The following PARVB variants were observed in gnomAD, a reference collection of about 807,000 sequenced individuals.
PARVB encodes parvin beta.
Under a neutral mutation model 47.0 loss-of-function variants are expected in PARVB, and 46 were observed. That is an observed-to-expected ratio of 0.98 (90% CI 0.77 to 1.25). The LOEUF is 1.25. Ranked by LOEUF, PARVB falls within the 50% of genes most tolerant of loss-of-function variation. PARVB has a pLI of 0.00. For missense variants in PARVB, 473 were observed against 471.6 expected, an observed-to-expected ratio of 1.00 and a Z score of -0.03; for synonymous variants, 196 against 196.3, an observed-to-expected ratio of 1.00 and a Z score of 0.01.
rs1011419191 is a variant in PARVB, at chr22:44,103,695, A to AGGGACATGGGGAGCTTTGAC, written c.273+3573_273+3592dup. The AGGGACATGGGGAGCTTTGAC allele has an allele frequency of 6.6e-6, 1 of 152,232 alleles. No homozygotes were observed. The highest frequency in any genetic ancestry group is 1.5e-5 in the Non-Finnish European group (1 of 68,054). 9.4% of individuals were successfully genotyped at this position (152,232 alleles called of 1,614,324 possible). A position where few individuals can be genotyped will look rare whatever the true frequency, so the allele number is the denominator to read the frequency against. On this transcript the variant is annotated intron_variant, in intron 3 of 12. Transcript: ENST00000338758. This position sits in a 1 kb window ranked among gnomAD's most constrained non-coding sequence, Gnocchi z 4.6. ...GTGTGTTCGCTAGTGTCTGTATAAG[A>AGGGACATGGGGAGCTTTGAC]GGGACATGGGGAGCTTTGACTGCCC... is the stretch of plus-strand genomic sequence containing the variant.
rs1328703926 is a variant in PARVB, at chr22:44,103,195, G to C, written c.273+3072G>C. On this transcript the variant is annotated intron_variant, in intron 3 of 12. Transcript: ENST00000338758. The surrounding 1 kb of genome is among the most constrained non-coding windows in gnomAD (Gnocchi z 4.6). Reference sequence around the variant, plus strand: ...GAAGAAGGCCACATTGAGGGGCATGGGGTGGACTGATGGGAAAGCTAATTA... The same window carrying C: ...GAAGAAGGCCACATTGAGGGGCATGCGGTGGACTGATGGGAAAGCTAATTA... The C allele has an allele frequency of 1.3e-5, 2 of 152,344 alleles. No individual in the cohort carries two copies. The highest frequency in any genetic ancestry group is 2.9e-5 in the Non-Finnish European group (2 of 68,148). The allele number at this position is 152,344 out of a possible 1,614,324, so 9.4% of individuals were successfully genotyped here.
At chr22:44,055,235 C>G (rs1380162336) in intron 1 of PARVB, among the ~76,000 whole-genome samples, 3 of 152,166 alleles carry the variant, frequency 2.0e-5, no homozygotes, top group Admixed American at 2.0e-4. Flanking sequence ...GTGCGCCTCC[C>G]TCCCCACCAG....
chr22:44,033,732 A>T (rs1324834183), intron 1 of PARVB, among the ~76,000 whole-genome samples: 1 of 152,180 alleles, frequency 6.6e-6, no homozygotes, highest in Non-Finnish European at 1.5e-5. Flanking sequence ...ACGTGTTTTC[A>T]TTTGAAAAAT....
upstream of PARVB, among the ~76,000 whole-genome samples, chr22:44,019,380 C>T (rs75466796): frequency 9.6e-3 from 1,425 of 149,080 alleles, 11 homozygotes; most frequent in Non-Finnish European, 0.015. Flanking sequence ...TCATGACACC[C>T]AGATAATTTT....
chr22:44,028,010 C>T lies in PARVB; in HGVS notation c.112+3559C>T, dbSNP rs138117859. On this transcript the variant is annotated intron_variant, in intron 1 of 12. Coordinates refer to ENST00000338758, the MANE Select transcript of PARVB (RefSeq NM_013327.5). The stretch of plus-strand genomic sequence containing the variant: ...TTTTAAAGCAGTTTTAGGTTTACAG[C>T]GAAATCTAGCAAAGAATACAAAGTG... Among the ~76,000 whole-genome samples, 42 of 150,276 alleles carry T rather than the reference C, an allele frequency of 2.8e-4. No individual in the cohort carries two copies. In the East Asian group the frequency reaches 4.9e-3, roughly 18 times the overall value.
chr22:44,128,711 C>A (rs375260558), intron 4 of PARVB, among the ~76,000 whole-genome samples: 6 of 152,196 alleles, frequency 3.9e-5, no homozygotes, highest in East Asian at 1.9e-4. Flanking sequence ...AGATGGGTAG[C>A]CTGGCAGCCT....
intron 1 of PARVB, among the ~76,000 whole-genome samples, chr22:44,034,223 T>C (rs1344121757): frequency 6.7e-6 from 1 of 150,002 alleles, no homozygotes; most frequent in Non-Finnish European, 1.5e-5. Context: ...AAAGAATATA[T>C]ATTCTTTATA....
chr22:44,077,561 G>A (rs1025315131), intron 1 of PARVB, among the ~76,000 whole-genome samples: 1 of 152,124 alleles, frequency 6.6e-6, no homozygotes, highest in African/African-American at 2.4e-5. Context: ...CTTCCAGACC[G>A]CCAGACAACA....
At chr22:44,102,054 C>T (rs1189947703) in intron 3 of PARVB, among the ~76,000 whole-genome samples, 1 of 152,176 alleles carries the variant, frequency 6.6e-6, no homozygotes, top group African/African-American at 2.4e-5. Flanking sequence ...ACTACGGAGG[C>T]TGAGAAGTCC....
chr22:44,081,060 G>T (rs759980617), intron 1 of PARVB, among the ~76,000 whole-genome samples: 3 of 152,182 alleles, frequency 2.0e-5, no homozygotes, highest in Non-Finnish European at 2.9e-5. Flanking sequence ...TCCTCCAAAG[G>T]TGCAGTCTCC....
chr22:44,033,157 C>T (rs755724568), intron 1 of PARVB, among the ~76,000 whole-genome samples: 4 of 152,214 alleles, frequency 2.6e-5, no homozygotes, highest in East Asian at 3.9e-4. Context: ...GGCATGATCT[C>T]GGCTCACTGC....
At chr22:44,112,936 C>T (rs2052743516) in intron 3 of PARVB, 2 of 90,422 alleles carry the variant, frequency 2.2e-5, no homozygotes, top group African/African-American at 5.9e-5. Flanking sequence ...TAAGGCCCTG[C>T]ACCAACACAG....
intron 4 of PARVB, among the ~76,000 whole-genome samples, chr22:44,123,719 C>T (rs748934704): frequency 7.3e-5 from 11 of 150,752 alleles, no homozygotes; most frequent in Middle Eastern, 3.4e-3. Context: ...CTGGCCAATA[C>T]GAGGCTTTGC....
chr22:44,091,096 C>T (rs573793336), intron 1 of PARVB, among the ~76,000 whole-genome samples: 14 of 152,164 alleles, frequency 9.2e-5, no homozygotes, highest in Admixed American at 7.9e-4. Flanking sequence ...TATCATTTCC[C>T]TGTGAAGGTA....
chr22:44,016,085 T>G (rs528511932), intron 2 of PARVB, among the ~76,000 whole-genome samples: 1 of 108,454 alleles, frequency 9.2e-6, no homozygotes. Flanking sequence ...CTTTTTCTTT[T>G]TCTTTCTTTC....
chr22:44,098,761 T>C (rs2052369844), intron 2 of PARVB, among the ~76,000 whole-genome samples: 1 of 152,234 alleles, frequency 6.6e-6, no homozygotes, highest in Admixed American at 6.5e-5. Flanking sequence ...GGAAGTTGCA[T>C]CACATCCGTG....
intron 1 of PARVB, among the ~76,000 whole-genome samples, chr22:44,052,308 G>A (rs554620744): frequency 6.6e-6 from 1 of 152,318 alleles, no homozygotes; most frequent in South Asian, 2.1e-4. Context: ...GCCAAACACA[G>A]GCAGGCAGGG....
At chr22:44,151,661 C>A in intron 10 of PARVB, 110 bp downstream of exon 10, 1 of 825,016 alleles carries the variant, frequency 1.2e-6, no homozygotes, top group Non-Finnish European at 2.1e-6. Context: ...GTTCATCTCA[C>A]AAGGAACTCC....
chr22:44,016,286 C>T (rs566934470), intron 2 of PARVB, among the ~76,000 whole-genome samples: 6,029 of 151,810 alleles, frequency 0.04, 179 homozygotes, highest in Non-Finnish European at 0.055. Flanking sequence ...TTAGTAGAGA[C>T]GGGGTTTCAC....
Sources: allele counts gnomAD v4.1 joint callset (sites outside exome capture counted in the v4.1 genomes callset), GRCh38; gene constraint gnomAD v4.1.1; non-coding constraint Gnocchi (gnomAD v3.1); transcripts MANE v1.5; gene names NCBI Gene and HGNC (gene_info 2026-07-23, HGNC 2026-07-21).